The following ARPC1A variants were observed in gnomAD, a reference collection of about 807,000 sequenced individuals.
ARPC1A encodes actin related protein 2/3 complex subunit 1A.
Under a neutral mutation model 46.9 loss-of-function variants are expected in ARPC1A, and 8 were observed. That is an observed-to-expected ratio of 0.17 (90% CI 0.10 to 0.31). The LOEUF (loss-of-function observed/expected upper bound fraction) is 0.31. ARPC1A is among the 10% of genes least tolerant of loss of function. The probability of loss-of-function intolerance (pLI) is 1.00; values close to 1 mark genes in which losing one functional copy is unlikely to be tolerated. For synonymous variants in ARPC1A, 152 were observed against 169.0 expected (o/e 0.90, Z 0.78); for missense variants, 286 against 483.6 (o/e 0.59, Z 3.83).
intron 6 of ARPC1A, among the ~76,000 whole-genome samples, chr7:99,358,088 G>A (rs756547691): frequency 3.9e-5 from 6 of 152,186 alleles, no homozygotes; most frequent in Non-Finnish European, 8.8e-5. Context: ...GTGGAAGGGC[G>A]TGATGCAAAG....
chr7:99,326,291 A>G (rs1014255352), intron 1 of ARPC1A, among the ~76,000 whole-genome samples: 25 of 152,160 alleles, frequency 1.6e-4, no homozygotes, highest in Admixed American at 6.5e-5. Context: ...TGCTGGGGGC[A>G]TTTGTCACCG....
chr7:99,356,433 CG>C (rs1248750526), intron 6 of ARPC1A, among the ~76,000 whole-genome samples: 3 of 149,432 alleles, frequency 2.0e-5, no homozygotes, highest in Non-Finnish European at 3.0e-5. Context: ...GGAGAAACCC[CG>C]CCTCTACTAA....
At chr7:99,352,713 C>T (rs1793564134) in intron 5 of ARPC1A, among the ~76,000 whole-genome samples, 1 of 151,780 alleles carries the variant, frequency 6.6e-6, no homozygotes. Context: ...GCCTGTAATC[C>T]CAGCACTTTG....
chr7:99,366,228 T>A lies in ARPC1A; in HGVS notation c.*299T>A, dbSNP rs971783229. 5 of 307,150 alleles carry A rather than the reference T, an allele frequency of 1.6e-5. No individual in the cohort carries two copies. The highest frequency in any genetic ancestry group is 3.0e-5 in the Non-Finnish European group (5 of 166,202). 19.0% of individuals were successfully genotyped at this position (307,150 alleles called of 1,614,324 possible). A position where few individuals can be genotyped will look rare whatever the true frequency, so the allele number is the denominator to read the frequency against. On this transcript the variant is annotated 3_prime_UTR_variant, in exon 10 of 10. Transcript: ENST00000262942. ...CAGGGTGAGGGAGATATGTAAATTG[T>A]CCACTAGAAAATTAAATAAAAGAAC...
intron 3 of ARPC1A, among the ~76,000 whole-genome samples, chr7:99,341,009 T>C (rs184336953): frequency 1.5e-3 from 222 of 152,328 alleles, no homozygotes; most frequent in Non-Finnish European, 1.5e-3. Flanking sequence ...AATACTCATA[T>C]TTTAAATTGG....
At chr7:99,344,251 T>G in intron 3 of ARPC1A, 42 bp from the exon 4 acceptor site, 2 of 1,599,804 alleles carry the variant, frequency 1.3e-6, no homozygotes, top group Non-Finnish European at 1.7e-6. Context: ...CAGTTGTTTG[T>G]CATTGACTGG....
At chr7:99,350,489 T>C (rs1287700140) in intron 5 of ARPC1A, among the ~76,000 whole-genome samples, 1 of 152,154 alleles carries the variant, frequency 6.6e-6, no homozygotes, top group South Asian at 2.1e-4. Flanking sequence ...ACTTTAAGGA[T>C]CATACCATGG....
chr7:99,328,794 C>G (rs906239442), intron 1 of ARPC1A, among the ~76,000 whole-genome samples: 3 of 151,850 alleles, frequency 2.0e-5, no homozygotes, highest in Non-Finnish European at 2.9e-5. Flanking sequence ...TTACAAAAAA[C>G]TAAAAAATTA....
At chr7:99,351,035 A>G (rs188768461) in intron 5 of ARPC1A, among the ~76,000 whole-genome samples, 13 of 152,100 alleles carry the variant, frequency 8.5e-5, no homozygotes, top group South Asian at 2.1e-4. Flanking sequence ...TTAAAAAAAA[A>G]AGAGAGAGAG....
intron 2 of ARPC1A, among the ~76,000 whole-genome samples, chr7:99,335,826 C>T (rs938244673): frequency 2.6e-5 from 4 of 152,004 alleles, no homozygotes; most frequent in African/African-American, 4.8e-5. Context: ...TGGTGGCGGG[C>T]GCCTGTAGTC....
At chr7:99,341,609 CA>C (rs36066986) in intron 3 of ARPC1A, among the ~76,000 whole-genome samples, 24,457 of 87,396 alleles carry the variant, frequency 0.28, 2,307 homozygotes, top group South Asian at 0.43. Context: ...AACTCTGTCT[CA>C]AAAAAAAAAA....
At chr7:99,347,594 A>T (rs556307718) in intron 4 of ARPC1A, among the ~76,000 whole-genome samples, 1 of 152,080 alleles carries the variant, frequency 6.6e-6, no homozygotes, top group Non-Finnish European at 1.5e-5. Context: ...AATCCCAGCT[A>T]TCGGGAGGCT....
At chr7:99,335,636 G>A (rs1793235304) in intron 2 of ARPC1A, among the ~76,000 whole-genome samples, 1 of 151,954 alleles carries the variant, frequency 6.6e-6, no homozygotes, top group African/African-American at 2.4e-5. Flanking sequence ...AGATTACTTT[G>A]AATCTGTAGA....
chr7:99,350,419 T>G (rs1793527180), intron 5 of ARPC1A, among the ~76,000 whole-genome samples: 2 of 152,212 alleles, frequency 1.3e-5, no homozygotes, highest in South Asian at 4.1e-4. Flanking sequence ...TTCTTTCAGT[T>G]AAAGCTTTTT....
At chr7:99,327,675 T>C (rs1449818158) in intron 1 of ARPC1A, among the ~76,000 whole-genome samples, 2 of 152,068 alleles carry the variant, frequency 1.3e-5, no homozygotes, top group Admixed American at 6.6e-5. Context: ...AGTTCATCTG[T>C]TAATCACAGT....
chr7:99,356,051 G>A (rs545004213), intron 6 of ARPC1A, among the ~76,000 whole-genome samples: 2 of 152,254 alleles, frequency 1.3e-5, no homozygotes, highest in East Asian at 3.9e-4. Flanking sequence ...GAGAAGATTG[G>A]AATCCTTCTT....
chr7:99,352,490 C>G (rs13232591), intron 5 of ARPC1A, among the ~76,000 whole-genome samples: 1 of 151,276 alleles, frequency 6.6e-6, no homozygotes, highest in African/African-American at 2.4e-5. Flanking sequence ...GACCCCATCT[C>G]TACAAAAAAT....
intron 9 of ARPC1A, among the ~76,000 whole-genome samples, chr7:99,365,630 A>C (rs1006929866): frequency 6.7e-6 from 1 of 149,406 alleles, no homozygotes; most frequent in African/African-American, 2.5e-5. Flanking sequence ...AAAAAAAAAA[A>C]GAGGAGTGAG....
At chr7:99,333,499 C>T in intron 2 of ARPC1A, 82 bp downstream of exon 2, 1 of 1,185,650 alleles carries the variant, frequency 8.4e-7, no homozygotes, top group Non-Finnish European at 1.2e-6. Context: ...GCTCACATAT[C>T]TCAGTATCAC....
Sources: gnomAD v4.1 joint callset for allele counts (sites outside exome capture counted in the v4.1 genomes callset) on GRCh38, gnomAD v4.1.1 for gene constraint, MANE v1.5 for transcripts, NCBI Gene and HGNC (gene_info 2026-07-23, HGNC 2026-07-21) for gene names.